The following LIN7A variants were observed in gnomAD, a reference collection of about 807,000 sequenced individuals.
The protein encoded by LIN7A is lin-7 cell polarity scaffold A.
A neutral mutation model predicts 29.8 loss-of-function variants in LIN7A; 25 were observed. The ratio of observed to expected loss-of-function variants is 0.84; its 90% CI spans 0.61 to 1.17. The LOEUF is 1.17. LIN7A is among the 50% of genes most tolerant of loss of function. The probability of loss-of-function intolerance (pLI) is 0.00; values close to 1 mark genes in which losing one functional copy is unlikely to be tolerated. For synonymous variants in LIN7A, 118 were observed against 107.5 expected (o/e 1.10, Z -0.60); for missense variants, 239 against 287.0 (o/e 0.83, Z 1.21).
chr12:80,930,346 T>G (rs1877831292), intron 1 of LIN7A, among the ~76,000 whole-genome samples: 1 of 152,200 alleles, frequency 6.6e-6, no homozygotes, highest in African/African-American at 2.4e-5. Context: ...TTAGCAAAAT[T>G]CAATCTTTTT....
At chr12:80,933,817 A>G (rs993002201) in intron 1 of LIN7A, among the ~76,000 whole-genome samples, 1 of 151,982 alleles carries the variant, frequency 6.6e-6, no homozygotes, top group Non-Finnish European at 1.5e-5. Flanking sequence ...AACACATCTA[A>G]AACAGCAGCC....
At chr12:80,804,998 C>T (rs1470422651) in intron 5 of LIN7A, among the ~76,000 whole-genome samples, 2 of 152,150 alleles carry the variant, frequency 1.3e-5, no homozygotes, top group African/African-American at 4.8e-5. Context: ...CATGGGAGTG[C>T]AGATATCTGC....
At chr12:80,874,310 T>A (rs1004933889) in intron 2 of LIN7A, among the ~76,000 whole-genome samples, 1 of 152,216 alleles carries the variant, frequency 6.6e-6, no homozygotes, top group Non-Finnish European at 1.5e-5. Flanking sequence ...TGGGCACATT[T>A]AAATAGACAT....
At chr12:80,811,001 C>G (rs937951358) in intron 5 of LIN7A, among the ~76,000 whole-genome samples, 13 of 152,224 alleles carry the variant, frequency 8.5e-5, no homozygotes, top group Admixed American at 2.0e-4. Flanking sequence ...AATTGTATCT[C>G]AGTATTCTAA....
intron 5 of LIN7A, among the ~76,000 whole-genome samples, chr12:80,799,910 A>G (rs1345678940): frequency 1.3e-5 from 2 of 152,150 alleles, no homozygotes; most frequent in East Asian, 1.9e-4. Flanking sequence ...TACTTAGGAG[A>G]CTGAGATGGA....
intron 2 of LIN7A, among the ~76,000 whole-genome samples, chr12:80,880,735 G>C (rs899480219): frequency 6.7e-6 from 1 of 148,590 alleles, no homozygotes; most frequent in Non-Finnish European, 1.5e-5. Context: ...GATAAACTCT[G>C]TTGGGAGGAG....
chr12:80,852,587 T>A (rs1001969753), intron 2 of LIN7A, among the ~76,000 whole-genome samples: 18 of 152,164 alleles, frequency 1.2e-4, no homozygotes, highest in Non-Finnish European at 2.2e-4. Flanking sequence ...TTATTTCTAT[T>A]ATTACTATTA....
rs1021779309 is a variant in LIN7A at position 80,921,020 on chromosome 12, T to C, written c.82+16621A>G. On this transcript the variant is annotated intron_variant, in intron 1 of 5. Transcript: ENST00000552864. The stretch of plus-strand genomic sequence containing the variant: ...CGCTCTCTTAGCTCCAGCTGTGGTA[T>C]GGCCTGAATGTGTCCCTCCAAAATG... Among the ~76,000 whole-genome samples, 7 of 152,308 alleles carry C rather than the reference T, an allele frequency of 4.6e-5. 1 individual carries two copies. The highest frequency in any genetic ancestry group is 6.8e-3 in the Middle Eastern group (2 of 294).
intron 2 of LIN7A, among the ~76,000 whole-genome samples, chr12:80,888,385 A>ATT (rs2120640053): frequency 6.6e-6 from 1 of 152,254 alleles, no homozygotes; most frequent in South Asian, 2.1e-4. Flanking sequence ...TAGCCACAAG[A>ATT]AGAGTTGTAA....
chr12:80,812,583 C>A (rs1394148255), intron 4 of LIN7A, among the ~76,000 whole-genome samples: 1 of 151,838 alleles, frequency 6.6e-6, no homozygotes, highest in Non-Finnish European at 1.5e-5. Flanking sequence ...CAGAGTTTCA[C>A]TCTTGTTGGC....
intron 1 of LIN7A, among the ~76,000 whole-genome samples, chr12:80,929,782 C>G (rs969380683): frequency 1.3e-5 from 2 of 152,052 alleles, no homozygotes; most frequent in African/African-American, 4.8e-5. Flanking sequence ...CAAGAGGCAA[C>G]AAATAGATTG....
intron 4 of LIN7A, among the ~76,000 whole-genome samples, chr12:80,823,535 T>G (rs1281006196): frequency 2.0e-5 from 3 of 152,224 alleles, no homozygotes; most frequent in Admixed American, 1.3e-4. Context: ...CTGGACTCCA[T>G]GCTCACTTGC....
At chr12:80,807,081 T>TGTTTGTTTGTTTG (rs1565883898) in intron 5 of LIN7A, among the ~76,000 whole-genome samples, 19 of 135,582 alleles carry the variant, frequency 1.4e-4, no homozygotes, top group Non-Finnish European at 2.9e-4. Flanking sequence ...TTTTTTTTTT[T>TGTTTGTTTGTTTG]TTTTTTTTTT....
intron 1 of LIN7A, among the ~76,000 whole-genome samples, chr12:80,920,549 A>G (rs1007745369): frequency 6.6e-6 from 1 of 152,226 alleles, no homozygotes; most frequent in Non-Finnish European, 1.5e-5. Context: ...CAAAAAAGAC[A>G]GAGCAAAATA....
At chr12:80,841,520 C>G (rs902845568) in intron 4 of LIN7A, among the ~76,000 whole-genome samples, 15 of 152,204 alleles carry the variant, frequency 9.9e-5, no homozygotes, top group East Asian at 1.9e-4. Context: ...TTGTCCCCCT[C>G]CCTCAACTTG....
At chr12:80,905,572 C>T (rs1876436770) in intron 1 of LIN7A, among the ~76,000 whole-genome samples, 1 of 152,054 alleles carries the variant, frequency 6.6e-6, no homozygotes, top group Non-Finnish European at 1.5e-5. Context: ...TCTCCTTGAG[C>T]TGGCAATCTT....
intron 2 of LIN7A, among the ~76,000 whole-genome samples, chr12:80,875,428 A>G (rs983591077): frequency 6.6e-6 from 1 of 152,184 alleles, no homozygotes; most frequent in Admixed American, 6.5e-5. Flanking sequence ...ACTTTTATAC[A>G]CTTACTACAC....
intron 2 of LIN7A, among the ~76,000 whole-genome samples, chr12:80,851,820 A>G (rs1356185101): frequency 6.6e-6 from 1 of 152,190 alleles, no homozygotes; most frequent in Non-Finnish European, 1.5e-5. Flanking sequence ...CAAATAATTC[A>G]TAGAAACTCA....
At chr12:80,833,740 C>T (rs555152638) in intron 4 of LIN7A, among the ~76,000 whole-genome samples, 2 of 152,280 alleles carry the variant, frequency 1.3e-5, no homozygotes, top group African/African-American at 4.8e-5. Flanking sequence ...CCTCCATCAA[C>T]CTATTCATTC....
Sources: allele counts gnomAD v4.1 joint callset (sites outside exome capture counted in the v4.1 genomes callset), GRCh38; gene constraint gnomAD v4.1.1; transcripts MANE v1.5; gene names NCBI Gene and HGNC (gene_info 2026-07-23, HGNC 2026-07-21).